Variants in GAS7 observed in about 807,000 individuals in gnomAD.
GAS7 encodes growth arrest specific 7.
In GAS7, 28 loss-of-function variants were observed where a neutral mutation model predicts 71.1. The observed-to-expected ratio is 0.39, with a 90% CI of 0.29 to 0.54. The LOEUF is 0.54. GAS7 is among the 20% of genes least tolerant of loss of function. The probability of loss-of-function intolerance (pLI) is 0.62; values close to 1 mark genes in which losing one functional copy is unlikely to be tolerated. For missense variants in GAS7, 436 were observed against 627.8 expected (o/e 0.69, Z 3.27); for synonymous variants, 258 against 245.8 (o/e 1.05, Z -0.46).
chr17:9,927,487 AAAAAC>A (rs1220185897), intron 9 of GAS7, among the ~76,000 whole-genome samples: 4 of 151,908 alleles, frequency 2.6e-5, no homozygotes, highest in African/African-American at 7.3e-5. Flanking sequence ...CTCAAAAAAA[AAAAAC>A]AAAACAAACA....
At chr17:10,133,245 C>A in intron 1 of GAS7, among the ~76,000 whole-genome samples, 1 of 151,850 alleles carries the variant, frequency 6.6e-6, no homozygotes, top group East Asian at 1.9e-4. Context: ...ATCTCAGTCT[C>A]CCAAGTAGCC....
chr17:9,982,204 T>C (rs886318998), intron 2 of GAS7, among the ~76,000 whole-genome samples: 2 of 152,132 alleles, frequency 1.3e-5, no homozygotes, highest in African/African-American at 4.8e-5. Context: ...TGCCCCAACC[T>C]GCCTCTTCAT....
Position 10,017,424 on chromosome 17 carries a change from G to A in GAS7, c.304+2353C>T, listed in dbSNP as rs544960235. On this transcript the variant is annotated intron_variant, in intron 2 of 13. Coordinates refer to ENST00000432992, the MANE Select transcript of GAS7 (RefSeq NM_201433.2). The stretch of plus-strand genomic sequence containing the variant: ...GCTCACTGCAACTTCCACCTCACGC[G>A]TTCAAGCGATTCTCCTGCCTCAGCC... 1.6e-3 allele frequency among the ~76,000 whole-genome samples: 238 copies of A among 151,724 alleles called. 2 individuals are homozygous for A. Among genetic ancestry groups the A allele is most frequent in the African/African-American group, 5.5e-3 (226 of 41,368 alleles).
At chr17:9,918,628 T>C (rs1257378489) in intron 12 of GAS7, among the ~76,000 whole-genome samples, 1 of 152,230 alleles carries the variant, frequency 6.6e-6, no homozygotes, top group Non-Finnish European at 1.5e-5. Flanking sequence ...GGGCCTCTGC[T>C]GAGCAGCCTC....
intron 2 of GAS7, among the ~76,000 whole-genome samples, chr17:10,015,438 C>G (rs891529549): frequency 2.0e-5 from 3 of 152,066 alleles, no homozygotes; most frequent in Non-Finnish European, 4.4e-5. Flanking sequence ...ACCTGGAGAG[C>G]GACAGAGCAA....
intron 1 of GAS7, among the ~76,000 whole-genome samples, chr17:10,197,942 G>T (rs2074552659): frequency 6.6e-6 from 1 of 152,212 alleles, no homozygotes; most frequent in South Asian, 2.1e-4. Flanking sequence ...ACAAGTTCTC[G>T]CTTCCTCAGA....
chr17:9,991,442 A>C (rs2070839207), intron 2 of GAS7, among the ~76,000 whole-genome samples: 1 of 152,094 alleles, frequency 6.6e-6, no homozygotes, highest in African/African-American at 2.4e-5. Flanking sequence ...TGATACAGAA[A>C]CTGTGTTACT....
rs116856013 is a variant in GAS7, at chr17:10,025,756, T to G, written c.184-5859A>C. On this transcript the variant is annotated intron_variant, in intron 1 of 13. Coordinates refer to ENST00000432992, the MANE Select transcript of GAS7 (RefSeq NM_201433.2). ...GCCTGACTCAATCTCCAGAGCAGCC[T>G]GGGAGGCTGCATTTGTCACAGTGAT... is the stretch of plus-strand genomic sequence containing the variant. Among the ~76,000 whole-genome samples, 1,056 of 152,280 alleles carry G rather than the reference T, an allele frequency of 6.9e-3. 36 individuals are homozygous for G. In the East Asian group the frequency reaches 0.11, roughly 16 times the overall value.
chr17:9,930,240 G>A (rs1227379407), intron 9 of GAS7, among the ~76,000 whole-genome samples: 1 of 152,198 alleles, frequency 6.6e-6, no homozygotes, highest in African/African-American at 2.4e-5. Context: ...GCAGATATCG[G>A]AGTGGATACC....
At chr17:10,102,205 TAAAA>T (rs34961542) in intron 1 of GAS7, among the ~76,000 whole-genome samples, 8,995 of 70,148 alleles carry the variant, frequency 0.13, 482 homozygotes, top group Middle Eastern at 0.17. Flanking sequence ...AGAGTGCCCG[TAAAA>T]AAAAAAAAAA....
intron 1 of GAS7, among the ~76,000 whole-genome samples, chr17:10,129,718 G>A (rs947163894): frequency 1.3e-5 from 2 of 152,076 alleles, no homozygotes; most frequent in African/African-American, 4.8e-5. Flanking sequence ...AAAGTGAAAA[G>A]ACAAACCACA....
chr17:10,177,661 C>G (rs544768155), intron 1 of GAS7, among the ~76,000 whole-genome samples: 5 of 152,188 alleles, frequency 3.3e-5, no homozygotes, highest in Non-Finnish European at 7.3e-5. Flanking sequence ...AAGCCAAGTA[C>G]AGGTGACTGC....
intron 1 of GAS7, among the ~76,000 whole-genome samples, chr17:10,092,548 T>A (rs557285037): frequency 1.3e-5 from 2 of 152,354 alleles, no homozygotes; most frequent in Admixed American, 1.3e-4. Context: ...CCAAGGGACA[T>A]CTTGGCAGGT....
At position 10,103,655 on chromosome 17, in the gene GAS7, G is replaced by A. The variant is rs933741241; in HGVS notation, c.184-83758C>T. Among the ~76,000 whole-genome samples the A allele has an allele frequency of 1.6e-4, 24 of 152,018 alleles. No individual in the cohort carries two copies. Among genetic ancestry groups the A allele is most frequent in the Non-Finnish European group, 2.2e-4 (15 of 67,966 alleles). The stretch of plus-strand genomic sequence containing the variant: ...AGCCTGGCCAACATGGAGAAACCCC[G>A]TCTCTACCAAAAATACAAAAATTAG... On this transcript the variant is annotated intron_variant, in intron 1 of 13. Coordinates refer to ENST00000432992, the MANE Select transcript of GAS7 (RefSeq NM_201433.2). The surrounding 1 kb of genome is among the most constrained non-coding windows in gnomAD (Gnocchi z 5.5).
chr17:10,141,666 T>C (rs755578202), intron 1 of GAS7, among the ~76,000 whole-genome samples: 10 of 152,216 alleles, frequency 6.6e-5, no homozygotes, highest in African/African-American at 2.2e-4. Flanking sequence ...CCAGGGCACA[T>C]TCCAGCTCTG....
At chr17:10,159,558 A>G (rs2074235294) in intron 1 of GAS7, among the ~76,000 whole-genome samples, 1 of 152,116 alleles carries the variant, frequency 6.6e-6, no homozygotes, top group African/African-American at 2.4e-5. Context: ...CCCAACCTCC[A>G]TCACCAAAAA....
chr17:10,010,622 A>T (rs1452859694), intron 2 of GAS7, among the ~76,000 whole-genome samples: 1 of 152,214 alleles, frequency 6.6e-6, no homozygotes, highest in Non-Finnish European at 1.5e-5. Context: ...TTGTATGTCA[A>T]AAATGCATGT....
intron 3 of GAS7, among the ~76,000 whole-genome samples, chr17:9,970,404 C>T (rs753491543): frequency 9.9e-5 from 15 of 151,980 alleles, no homozygotes; most frequent in East Asian, 5.8e-4. Context: ...CCGAGGTGGG[C>T]GGATCATGTG....
At chr17:9,937,120 G>A (rs1238713005) in intron 8 of GAS7, among the ~76,000 whole-genome samples, 2 of 152,226 alleles carry the variant, frequency 1.3e-5, no homozygotes, top group East Asian at 3.8e-4. Flanking sequence ...AGTGCCTGCT[G>A]CAGGAGTGTG....
Sources: gnomAD v4.1 joint callset for allele counts (sites outside exome capture counted in the v4.1 genomes callset) on GRCh38, gnomAD v4.1.1 for gene constraint, Gnocchi (gnomAD v3.1) non-coding constraint, MANE v1.5 for transcripts, NCBI Gene and HGNC (gene_info 2026-07-23, HGNC 2026-07-21) for gene names.